The following VIPR2 variants were observed in gnomAD, a reference collection of about 807,000 sequenced individuals.
VIPR2 encodes the protein vasoactive intestinal peptide receptor 2.
VIPR2 carries 48 observed loss-of-function variants against 58.0 expected under a neutral mutation model. The ratio of observed to expected loss-of-function variants is 0.83; its 90% confidence interval spans 0.66 to 1.05. The LOEUF is 1.05. Among genes scored for constraint, VIPR2 ranks in the 50% least tolerant of loss-of-function variants. VIPR2 has a pLI of 0.00. For synonymous variants in VIPR2, 243 were observed against 235.2 expected, an observed-to-expected ratio of 1.03 and a Z score of -0.30; for missense variants, 534 against 558.0, an observed-to-expected ratio of 0.96 and a Z score of 0.43.
rs1184423327 is a variant in VIPR2, at chr7:159,127,135, A to G, written c.151+15311T>C. ...TTACAGCAAGCCGGATTTTCTTCAG[A>G]TGACTCAGATACGCTGACATTCTGT... On this transcript the variant is annotated intron_variant, in intron 2 of 12. Coordinates refer to ENST00000262178, the MANE Select transcript of VIPR2 (RefSeq NM_003382.5). This position sits in a 1 kb window ranked among gnomAD's most constrained non-coding sequence, Gnocchi z 4.6. Among the ~76,000 whole-genome samples the G allele has an allele frequency of 7.2e-5, 11 of 152,334 alleles. No homozygotes were observed. The East Asian group carries it at 2.1e-3, about 29-fold the overall frequency.
chr7:159,090,070 A>G (rs1857375585), intron 4 of VIPR2, among the ~76,000 whole-genome samples: 1 of 150,526 alleles, frequency 6.6e-6, no homozygotes, highest in Non-Finnish European at 1.5e-5. Context: ...CAGCACAGAC[A>G]CGCTGGGACC....
chr7:159,103,195 T>C (rs112877592), intron 4 of VIPR2, among the ~76,000 whole-genome samples: 205 of 152,352 alleles, frequency 1.3e-3, no homozygotes, highest in African/African-American at 4.7e-3. Flanking sequence ...TCCAGATCAC[T>C]GCAGCAAGTT....
chr7:159,142,359 G>A, intron 2 of VIPR2, 87 bp downstream of exon 2: 2 of 868,068 alleles, frequency 2.3e-6, no homozygotes, highest in Non-Finnish European at 3.6e-6. Context: ...TTAAGATGCA[G>A]GTGGTGACCC....
In VIPR2 at chr7:159,036,732, G is replaced by T. The variant is rs1413728673; in HGVS notation, c.748+20C>A. The T allele has an allele frequency of 1.2e-6, 2 of 1,605,126 alleles. No homozygotes were observed. The highest frequency in any genetic ancestry group is 2.7e-5 in the African/African-American group (2 of 74,772). ...ATGGGATGGGATGGAGGGTTTGTGG[G>T]TGGGAAGGGGCACACTTACCCCATC... is the stretch of plus-strand genomic sequence containing the variant. On this transcript the variant is annotated intron_variant, in intron 7 of 12. Coordinates refer to ENST00000262178, the MANE Select transcript of VIPR2 (RefSeq NM_003382.5).
At chr7:159,104,609 A>G (rs1858530958) in intron 3 of VIPR2, among the ~76,000 whole-genome samples, 2 of 134,260 alleles carry the variant, frequency 1.5e-5, no homozygotes, top group African/African-American at 3.0e-5. Context: ...CACCTGCTCC[A>G]GTTCCTGGCA....
intron 2 of VIPR2, among the ~76,000 whole-genome samples, chr7:159,140,426 G>C (rs193091220): frequency 1.3e-5 from 2 of 152,124 alleles, no homozygotes; most frequent in South Asian, 4.1e-4. Context: ...TTTGAGCCAC[G>C]CATATTTCAA....
intron 4 of VIPR2, among the ~76,000 whole-genome samples, chr7:159,102,148 G>A (rs374946375): frequency 1.3e-3 from 180 of 135,584 alleles, no homozygotes; most frequent in African/African-American, 4.2e-3. Flanking sequence ...TGTTCCTGTG[G>A]TAGTGAACGG....
At chr7:159,046,335 G>A (rs1343118514) in intron 5 of VIPR2, among the ~76,000 whole-genome samples, 8 of 152,278 alleles carry the variant, frequency 5.3e-5, no homozygotes, top group East Asian at 1.9e-4. Flanking sequence ...GCAGATGAAC[G>A]GATAAACTAA....
Position 159,096,070 on chromosome 7 carries a change from G to C in VIPR2, c.357+7687C>G, listed in dbSNP as rs1379483967. On this transcript the variant is annotated intron_variant, in intron 4 of 12. Transcript: ENST00000262178. This position sits in a 1 kb window ranked among gnomAD's most constrained non-coding sequence, Gnocchi z 5.5. ...ACCCACCTGTGGAGCCCAAGAGCCAGCTGCTGGGTGCCCAAGCTGAACATC... is the reference window on the plus strand; with the variant it reads ...ACCCACCTGTGGAGCCCAAGAGCCACCTGCTGGGTGCCCAAGCTGAACATC... Among the ~76,000 whole-genome samples the C allele has an allele frequency of 6.6e-6, 1 of 152,140 alleles. No individual in the cohort carries two copies. Among genetic ancestry groups the C allele is most frequent in the Admixed American group, 6.5e-5 (1 of 15,280 alleles).
intron 4 of VIPR2, among the ~76,000 whole-genome samples, chr7:159,078,407 T>C (rs1009315636): frequency 6.6e-6 from 1 of 152,024 alleles, no homozygotes; most frequent in African/African-American, 2.4e-5. Flanking sequence ...CCCATGTTTA[T>C]CTTGTCTTAG....
intron 6 of VIPR2, among the ~76,000 whole-genome samples, chr7:159,037,319 A>G (rs1000030277): frequency 1.3e-5 from 2 of 152,034 alleles, no homozygotes; most frequent in African/African-American, 2.4e-5. Context: ...GAACCAGAAG[A>G]GCCGGCAGGA....
intron 5 of VIPR2, among the ~76,000 whole-genome samples, chr7:159,043,837 C>G (rs1356521737): frequency 6.6e-6 from 1 of 152,202 alleles, no homozygotes; most frequent in Non-Finnish European, 1.5e-5. Flanking sequence ...AATGAATAAG[C>G]TCCCGCCACC....
intron 5 of VIPR2, among the ~76,000 whole-genome samples, chr7:159,046,554 T>C (rs1370890380): frequency 6.4e-5 from 6 of 94,264 alleles, no homozygotes; most frequent in African/African-American, 1.9e-4. Flanking sequence ...CTGCCTCATG[T>C]ATAGAAGGCT....
chr7:159,070,157 G>C (rs1211533894), intron 4 of VIPR2, among the ~76,000 whole-genome samples: 1 of 152,190 alleles, frequency 6.6e-6, no homozygotes, highest in African/African-American at 2.4e-5. Context: ...TATTCATCGT[G>C]AGATTCCTGG....
In VIPR2 at chr7:159,028,856, G is replaced by A. The variant is rs885861; in HGVS notation, c.*1760C>T. On this transcript the variant is annotated 3_prime_UTR_variant, in exon 13 of 13. Coordinates refer to ENST00000262178, the MANE Select transcript of VIPR2 (RefSeq NM_003382.5). Reference sequence around the variant, plus strand: ...AAATGGTGGGTTGTTCTGTAGATCCGACCGCCTCACCTGTCTCCCCAAACC... The same window carrying A: ...AAATGGTGGGTTGTTCTGTAGATCCAACCGCCTCACCTGTCTCCCCAAACC... 0.43 allele frequency: 64,394 copies of A among 150,960 alleles called. 16,399 individuals are homozygous for A. Among genetic ancestry groups the A allele is most frequent in the Non-Finnish European group, 0.57 (39,185 of 68,148 alleles). 9.4% of individuals were successfully genotyped at this position (150,960 alleles called of 1,614,324 possible).
Position 159,099,554 on chromosome 7 carries a change from G to A in VIPR2, c.357+4203C>T, listed in dbSNP as rs990415704. 6.6e-6 allele frequency among the ~76,000 whole-genome samples: 1 copy of A among 152,190 alleles called. No individual in the cohort carries two copies. The highest frequency in any genetic ancestry group is 1.5e-5 in the Non-Finnish European group (1 of 68,042). ...CTGGGGCTCAGAAAGGAGGTTCCCA[G>A]GGAATGCTTATTGAATAAAGGAAGG... On this transcript the variant is annotated intron_variant, in intron 4 of 12. Coordinates refer to ENST00000262178, the MANE Select transcript of VIPR2 (RefSeq NM_003382.5). This position sits in a 1 kb window ranked among gnomAD's most constrained non-coding sequence, Gnocchi z 4.2.
At chr7:159,111,319 T>G (rs543119838) in intron 2 of VIPR2, among the ~76,000 whole-genome samples, 27 of 152,352 alleles carry the variant, frequency 1.8e-4, no homozygotes, top group African/African-American at 5.5e-4. Context: ...CAGCAAGCTC[T>G]GGCAGTTTCG....
At chr7:159,061,155 C>T (rs1412621605) in intron 4 of VIPR2, among the ~76,000 whole-genome samples, 3 of 151,904 alleles carry the variant, frequency 2.0e-5, no homozygotes, top group Non-Finnish European at 4.4e-5. Flanking sequence ...CACGTGTTCT[C>T]GTAAGTGGGA....
chr7:159,046,614 CACA>C (rs1356121009), intron 5 of VIPR2, among the ~76,000 whole-genome samples: 1 of 152,088 alleles, frequency 6.6e-6, no homozygotes, highest in Admixed American at 6.5e-5. Context: ...GTGATAGTTA[CACA>C]ACACTGTGAA....
Sources: allele counts gnomAD v4.1 joint callset (sites outside exome capture counted in the v4.1 genomes callset), GRCh38; gene constraint gnomAD v4.1.1; non-coding constraint Gnocchi (gnomAD v3.1); transcripts MANE v1.5; gene names NCBI Gene and HGNC (gene_info 2026-07-23, HGNC 2026-07-21).